The following PMS1 variants were observed in gnomAD, a reference collection of about 807,000 sequenced individuals.
PMS1 encodes the protein PMS1 homolog 1, mismatch repair system component, also known as PMS1 protein homolog 1.
Under a neutral mutation model 93.1 loss-of-function variants are expected in PMS1, and 79 were observed. The observed-to-expected ratio is 0.85, with a 90% CI of 0.71 to 1.02. The LOEUF (loss-of-function observed/expected upper bound fraction) is 1.02. Ranked by LOEUF, PMS1 falls within the 50% of genes least tolerant of loss-of-function variation. PMS1 has a pLI of 0.00. For synonymous variants in PMS1, 335 were observed against 363.4 expected (o/e 0.92, Z 0.89); for missense variants, 1,064 against 1,085.3 (o/e 0.98, Z 0.28).
At chr2:189,861,909 T>C (rs1160104668) in intron 9 of PMS1, among the ~76,000 whole-genome samples, 1 of 152,106 alleles carries the variant, frequency 6.6e-6, no homozygotes, top group Non-Finnish European at 1.5e-5. Flanking sequence ...TGTAAATTTA[T>C]CTAATATACC....
At position 189,867,891 on chromosome 2, in the gene PMS1, G is replaced by A. The variant is rs375020232; in HGVS notation, c.2435G>A (p.Arg812His). ...GGATCAACTTACCTGTCTGATCCTC[G>A]TCTTACAGCGAATGGTTTCAAGATA... ...YSGSTYLSDP[R>H]LTANGFKIKL... Residue 812 changes from arginine to histidine, a missense_variant, in exon 11 of 13, where the codon CGT (arginine) becomes CAT (histidine). By Grantham distance (29) the Arg-to-His change is conservative. Coordinates refer to ENST00000441310, the MANE Select transcript of PMS1 (RefSeq NM_000534.5). 2.5e-5 allele frequency: 41 copies of A among 1,608,232 alleles called. No individual in the cohort carries two copies. The highest frequency in any genetic ancestry group is 3.1e-5 in the Non-Finnish European group (37 of 1,174,906).
Position 189,841,479 on chromosome 2 carries a change from C to T in PMS1, c.583-2485C>T, listed in dbSNP as rs182138169. Among the ~76,000 whole-genome samples the T allele has an allele frequency of 1.4e-4, 21 of 152,304 alleles. No homozygotes were observed. The East Asian group carries it at 3.5e-3, about 25-fold the overall frequency. On this transcript the variant is annotated intron_variant, in intron 5 of 12. Coordinates refer to ENST00000441310, the MANE Select transcript of PMS1 (RefSeq NM_000534.5). Reference sequence around the variant, plus strand: ...AAAGTGGTTTGCAGATGGCACAGATCAGCAAGCAGAGTCATTGATTATTGT... The same window carrying T: ...AAAGTGGTTTGCAGATGGCACAGATTAGCAAGCAGAGTCATTGATTATTGT...
intron 5 of PMS1, among the ~76,000 whole-genome samples, chr2:189,828,735 C>G: frequency 6.6e-6 from 1 of 152,120 alleles, no homozygotes; most frequent in East Asian, 1.9e-4. Flanking sequence ...CATGCCCAAA[C>G]TTAGCTTTTC....
chr2:189,870,042 C>T (rs1047176137), intron 11 of PMS1, among the ~76,000 whole-genome samples: 9 of 150,410 alleles, frequency 6.0e-5, no homozygotes, highest in African/African-American at 2.2e-4. Flanking sequence ...ATTAAGTCAC[C>T]TGTAAACTGA....
At chr2:189,866,603 AC>A (rs1364890236) in intron 10 of PMS1, among the ~76,000 whole-genome samples, 1 of 152,172 alleles carries the variant, frequency 6.6e-6, no homozygotes, top group Non-Finnish European at 1.5e-5. Flanking sequence ...TAATTTAGGT[AC>A]CTATAAAGTA....
chr2:189,824,883 A>G (rs540431922), intron 5 of PMS1, among the ~76,000 whole-genome samples: 1 of 152,250 alleles, frequency 6.6e-6, no homozygotes, highest in African/African-American at 2.4e-5. Context: ...ACATGTTACT[A>G]TAAATCTCTT....
Position 189,874,201 on chromosome 2 carries a change from G to T in PMS1, c.2634+545G>T, listed in dbSNP as rs1431499599. Among the ~76,000 whole-genome samples, 4 of 152,048 alleles carry T rather than the reference G, an allele frequency of 2.6e-5. No individual in the cohort carries two copies. The East Asian group carries it at 7.7e-4, about 29-fold the overall frequency. On this transcript the variant is annotated intron_variant, in intron 12 of 12. Coordinates refer to ENST00000441310, the MANE Select transcript of PMS1 (RefSeq NM_000534.5). ...CATAACATTTTCTTGGGTACATATT[G>T]AGGAAAGACTTTATAAATGAGATAT...
chr2:189,803,640 G>A (rs746340245), intron 3 of PMS1, among the ~76,000 whole-genome samples: 3 of 151,030 alleles, frequency 2.0e-5, no homozygotes, highest in African/African-American at 4.9e-5. Context: ...ACCTGTGCCC[G>A]GTCCAAAAAA....
Position 189,873,521 on chromosome 2 carries a change from G to A in PMS1, c.2499G>A (p.Leu833=). ...IPGVSITENY[L]EIEGMANCLP... is the part of the protein sequence containing the mutation. ...GAGTTTCAATTACTGAAAATTACTT[G>A]GAAATAGAAGGAATGGCTAATTGTC... The change falls in exon 12 of 13, where the codon TTG becomes TTA. Residue 833 remains leucine, a synonymous_variant. Transcript: ENST00000441310. The A allele has an allele frequency of 2.5e-6, 4 of 1,594,668 alleles. No individual in the cohort carries two copies. The highest frequency in any genetic ancestry group is 3.4e-6 in the Non-Finnish European group (4 of 1,162,854).
chr2:189,830,693 G>T (rs886081763), intron 5 of PMS1, among the ~76,000 whole-genome samples: 1 of 152,192 alleles, frequency 6.6e-6, no homozygotes, highest in African/African-American at 2.4e-5. Context: ...CATGTCAAAT[G>T]AATGAGGGCT....
At position 189,853,287 on chromosome 2, in the gene PMS1, C is replaced by T. The variant is rs1401732876; in HGVS notation, c.822+510C>T. On this transcript the variant is annotated intron_variant, in intron 7 of 12. Coordinates refer to ENST00000441310, the MANE Select transcript of PMS1 (RefSeq NM_000534.5). ...GCCAGGCTGGTCTCGAACTCCTGTC[C>T]TCAAGTGATCCGCCCACCTCGGCCT... 3.3e-5 allele frequency among the ~76,000 whole-genome samples: 5 copies of T among 151,990 alleles called. No individual in the cohort carries two copies. In the East Asian group the frequency reaches 9.7e-4, roughly 29 times the overall value.
chr2:189,865,769 G>T (rs1435376452), intron 10 of PMS1, among the ~76,000 whole-genome samples: 1 of 152,030 alleles, frequency 6.6e-6, no homozygotes, highest in Admixed American at 6.6e-5. Context: ...TTCTTTTTCA[G>T]TCAGACACAG....
intron 4 of PMS1, among the ~76,000 whole-genome samples, chr2:189,808,323 TTTA>T: frequency 6.6e-6 from 1 of 152,126 alleles, no homozygotes; most frequent in African/African-American, 2.4e-5. Flanking sequence ...AAAAACGTAA[TTTA>T]TTATTATTAT....
intron 5 of PMS1, among the ~76,000 whole-genome samples, chr2:189,824,812 A>C (rs1233283): frequency 6.6e-6 from 1 of 152,062 alleles, no homozygotes; most frequent in Non-Finnish European, 1.5e-5. Flanking sequence ...ATATTTCTTA[A>C]TAGTGCTGTT....
chr2:189,874,907 A>G lies in PMS1; in HGVS notation c.2634+1251A>G, dbSNP rs115030487. Among the ~76,000 whole-genome samples, 1,008 of 152,266 alleles carry G rather than the reference A, an allele frequency of 6.6e-3. 17 individuals carry two copies. The highest frequency in any genetic ancestry group is 0.022 in the African/African-American group (932 of 41,536). ...GGTTGGAAGAACCATGTGGGGAGAA[A>G]TAAGAGTTCAGAAATAACAGGAATA... On this transcript the variant is annotated intron_variant, in intron 12 of 12. Transcript: ENST00000441310.
chr2:189,795,260 G>A (rs2049239073), intron 2 of PMS1, among the ~76,000 whole-genome samples: 1 of 152,096 alleles, frequency 6.6e-6, no homozygotes, highest in South Asian at 2.1e-4. Flanking sequence ...TAAATATTAG[G>A]TTGATTCCTG....
chr2:189,860,312 A>G (rs1401653402), intron 9 of PMS1, among the ~76,000 whole-genome samples: 1 of 152,168 alleles, frequency 6.6e-6, no homozygotes, highest in African/African-American at 2.4e-5. Flanking sequence ...TCACATGTGT[A>G]TAAAATCATG....
intron 3 of PMS1, among the ~76,000 whole-genome samples, chr2:189,796,615 C>A (rs914803778): frequency 6.6e-6 from 1 of 152,138 alleles, no homozygotes; most frequent in African/African-American, 2.4e-5. Flanking sequence ...TAAGTGGACT[C>A]ATAAAATATT....
Position 189,784,511 on chromosome 2 carries a change from C to T in PMS1, c.-103C>T, listed in dbSNP as rs745993205. 6.5e-5 allele frequency: 10 copies of T among 152,814 alleles called. No individual in the cohort carries two copies. Among genetic ancestry groups the T allele is most frequent in the Non-Finnish European group, 1.0e-4 (7 of 68,514 alleles). 9.5% of individuals were successfully genotyped at this position (152,814 alleles called of 1,614,324 possible). Reference sequence around the variant, plus strand: ...TGCGTGCTGGGTGCGGGTGCGGGTGCGGGGTTGGGCCTGCGCATCGGGTGA... The same window carrying T: ...TGCGTGCTGGGTGCGGGTGCGGGTGTGGGGTTGGGCCTGCGCATCGGGTGA... On this transcript the variant is annotated 5_prime_UTR_variant, in exon 1 of 13. Coordinates refer to ENST00000441310, the MANE Select transcript of PMS1 (RefSeq NM_000534.5).
Sources: gnomAD v4.1 joint callset for allele counts (sites outside exome capture counted in the v4.1 genomes callset) on GRCh38, gnomAD v4.1.1 for gene constraint, MANE v1.5 for transcripts, NCBI Gene and HGNC (gene_info 2026-07-23, HGNC 2026-07-21) for gene names.